Variants in MINAR2 observed in about 807,000 individuals in gnomAD.
The protein encoded by MINAR2 is major intrinsically disordered NOTCH2-binding receptor 1-like.
In MINAR2, 21 loss-of-function variants were observed where a neutral mutation model predicts 16.1. That is an observed-to-expected ratio of 1.31 (90% CI 0.93 to 1.88). The LOEUF (loss-of-function observed/expected upper bound fraction) is 1.88, where lower values mean the gene tolerates loss of function less well. Ranked by LOEUF, MINAR2 falls within the 40% of genes most tolerant of loss-of-function variation. The pLI, the probability that MINAR2 is intolerant of heterozygous loss-of-function variation, is 0.00. For missense variants in MINAR2, 259 were observed against 229.8 expected, an observed-to-expected ratio of 1.13 and a Z score of -0.82; for synonymous variants, 86 against 83.0, an observed-to-expected ratio of 1.04 and a Z score of -0.20.
rs1758216302 is a variant in MINAR2 at position 129,766,544 on chromosome 5, G to T, written c.*1481G>T. The T allele has an allele frequency of 6.7e-6, 1 of 149,996 alleles. No individual in the cohort carries two copies. Among genetic ancestry groups the T allele is most frequent in the Admixed American group, 6.7e-5 (1 of 14,928 alleles). 9.3% of individuals were successfully genotyped at this position (149,996 alleles called of 1,614,324 possible). ...CTCAGCTACTTGGGAGGCTGAGGCA[G>T]GAGAATCTCTCGAACCCTGGAGGCA... On this transcript the variant is annotated 3_prime_UTR_variant, in exon 3 of 3. Coordinates refer to ENST00000564719, the MANE Select transcript of MINAR2 (RefSeq NM_001257308.2).
At chr5:129,750,303 A>G (rs1757970815) in intron 1 of MINAR2, among the ~76,000 whole-genome samples, 1 of 152,236 alleles carries the variant, frequency 6.6e-6, no homozygotes, top group Admixed American at 6.5e-5. Context: ...ATACCACGAT[A>G]GCATGCCATG....
rs531568059 is a variant in MINAR2 at position 129,761,685 on chromosome 5, T to G, written c.393+1080T>G. On this transcript the variant is annotated intron_variant, in intron 2 of 2. Transcript: ENST00000564719. ...TAAATTTTGCATTCCTTACCAAGAG[T>G]CTTAAGGACATCTAAAAAGTCACCC... is the stretch of plus-strand genomic sequence containing the variant. Among the ~76,000 whole-genome samples the G allele has an allele frequency of 3.3e-5, 5 of 152,174 alleles. No homozygotes were observed. The South Asian group carries it at 6.2e-4, about 19-fold the overall frequency.
chr5:129,765,131 C>A lies in MINAR2; in HGVS notation c.*68C>A. 1.1e-6 allele frequency: 1 copy of A among 920,978 alleles called. No homozygotes were observed. Among genetic ancestry groups the A allele is most frequent in the Non-Finnish European group, 1.4e-6 (1 of 695,148 alleles). The allele number at this position is 920,978 out of a possible 1,614,324, so 57.1% of individuals were successfully genotyped here. On this transcript the variant is annotated 3_prime_UTR_variant, in exon 3 of 3. Transcript: ENST00000564719. ...TTTTCTGATAAACATTTGAAACCCC[C>A]CCCACCAAAATAACAAAAAAACACA...
intron 2 of MINAR2, 40 bp downstream of exon 2, chr5:129,760,645 G>C: frequency 7.2e-7 from 1 of 1,388,416 alleles, no homozygotes; most frequent in African/African-American, 1.4e-5. Context: ...ACTGATAAGG[G>C]AGATCAGTCA....
intron 2 of MINAR2, 22 bp downstream of exon 2, chr5:129,760,627 C>T (rs1365263394): frequency 1.3e-6 from 2 of 1,482,358 alleles, no homozygotes; most frequent in South Asian, 1.2e-5. Context: ...TAAGAGTCAA[C>T]CTCTTCAACT....
intron 1 of MINAR2, among the ~76,000 whole-genome samples, chr5:129,753,154 G>A (rs925952657): frequency 1.7e-4 from 26 of 151,850 alleles, no homozygotes; most frequent in Non-Finnish European, 2.6e-4. Context: ...TCCTAAGACT[G>A]TCTCTATTTT....
At chr5:129,760,021 A>C (rs1295415653) in intron 1 of MINAR2, among the ~76,000 whole-genome samples, 2 of 152,214 alleles carry the variant, frequency 1.3e-5, no homozygotes, top group Non-Finnish European at 2.9e-5. Flanking sequence ...ATGGAATATA[A>C]AAATAGAGAT....
intron 1 of MINAR2, among the ~76,000 whole-genome samples, chr5:129,749,259 TC>T (rs1377137330): frequency 6.6e-6 from 1 of 152,126 alleles, no homozygotes; most frequent in Admixed American, 6.5e-5. Flanking sequence ...TGGTTCAAAT[TC>T]CCTGAACAGA....
chr5:129,752,227 T>C (rs1044851909), intron 1 of MINAR2, among the ~76,000 whole-genome samples: 7 of 152,192 alleles, frequency 4.6e-5, no homozygotes, highest in East Asian at 1.9e-4. Context: ...ACTGGGTATA[T>C]ACCCAAAGGA....
chr5:129,755,279 A>G (rs373394243), intron 1 of MINAR2, among the ~76,000 whole-genome samples: 2 of 152,236 alleles, frequency 1.3e-5, no homozygotes, highest in African/African-American at 4.8e-5. Flanking sequence ...ATTTATGTGT[A>G]TAAGAGAAAT....
intron 1 of MINAR2, among the ~76,000 whole-genome samples, chr5:129,757,217 G>A (rs1758067038): frequency 6.6e-6 from 1 of 151,946 alleles, no homozygotes; most frequent in South Asian, 2.1e-4. Context: ...CTTGGAAGTG[G>A]TCTTTCATCC....
chr5:129,762,579 C>A, intron 2 of MINAR2: 1 of 343,384 alleles, frequency 2.9e-6, no homozygotes, highest in Non-Finnish European at 5.8e-6. Flanking sequence ...GGAATTAGTC[C>A]ATCATCACCA....
intron 1 of MINAR2, among the ~76,000 whole-genome samples, chr5:129,752,928 G>A (rs760282569): frequency 5.9e-5 from 9 of 151,964 alleles, no homozygotes; most frequent in Non-Finnish European, 1.0e-4. Context: ...GACTAAACCC[G>A]TGAGATGGAG....
chr5:129,748,655 T>A (rs1253720728), intron 1 of MINAR2, among the ~76,000 whole-genome samples: 1 of 152,132 alleles, frequency 6.6e-6, no homozygotes, highest in Non-Finnish European at 1.5e-5. Flanking sequence ...TCAAACTAAT[T>A]GTTATATGCA....
chr5:129,762,618 T>C (rs56187166), intron 2 of MINAR2: 17,525 of 313,238 alleles, frequency 0.056, 1,124 homozygotes, highest in African/African-American at 0.2. Context: ...TCAGTCAGGT[T>C]TTCTGATAAT....
At chr5:129,749,184 G>A (rs938345854) in intron 1 of MINAR2, among the ~76,000 whole-genome samples, 1 of 152,168 alleles carries the variant, frequency 6.6e-6, no homozygotes, top group Non-Finnish European at 1.5e-5. Context: ...ACAGGAAGAA[G>A]CATTTCATTA....
At chr5:129,751,702 G>A (rs1213733954) in intron 1 of MINAR2, among the ~76,000 whole-genome samples, 1 of 152,120 alleles carries the variant, frequency 6.6e-6, no homozygotes, top group Non-Finnish European at 1.5e-5. Flanking sequence ...CAAATTTTAT[G>A]TCAGTGTAAT....
chr5:129,753,135 G>A (rs565559165), intron 1 of MINAR2, among the ~76,000 whole-genome samples: 1 of 151,620 alleles, frequency 6.6e-6, no homozygotes, highest in Non-Finnish European at 1.5e-5. Context: ...CTGAACACAC[G>A]TCATGCCTTC....
chr5:129,750,384 C>T (rs537520978), intron 1 of MINAR2, among the ~76,000 whole-genome samples: 43 of 152,192 alleles, frequency 2.8e-4, no homozygotes, highest in African/African-American at 9.1e-4. Context: ...CCAAATAGTT[C>T]TTAATTTAAA....
Sources: allele counts gnomAD v4.1 joint callset (sites outside exome capture counted in the v4.1 genomes callset), GRCh38; gene constraint gnomAD v4.1.1; transcripts MANE v1.5; gene names NCBI Gene and HGNC (gene_info 2026-07-23, HGNC 2026-07-21).